Variants in ABCA4 observed in about 807,000 individuals in gnomAD.
ABCA4 encodes the protein retinal-specific phospholipid-transporting ATPase ABCA4.
In ABCA4, 196 loss-of-function variants were observed where a neutral mutation model predicts 263.7. The ratio of observed to expected loss-of-function variants is 0.74; its 90% CI spans 0.66 to 0.84. The LOEUF (loss-of-function observed/expected upper bound fraction) is 0.84, where lower values mean the gene tolerates loss of function less well. Ranked by LOEUF, ABCA4 falls within the 40% of genes least tolerant of loss-of-function variation. ABCA4 has a pLI of 0.00. For missense variants in ABCA4, 2,792 were observed against 2,855.1 expected, an observed-to-expected ratio of 0.98 and a Z score of 0.50; for synonymous variants, 1,133 against 1,094.2, an observed-to-expected ratio of 1.04 and a Z score of -0.70.
chr1:94,060,495 C>T (rs1464036233), intron 14 of ABCA4, 42 bp downstream of exon 14: 1 of 1,581,848 alleles, frequency 6.3e-7, no homozygotes. Context: ...GGAAAGGAAC[C>T]AAAGTATTCA....
chr1:94,024,222 C>T (rs980394093), intron 31 of ABCA4, among the ~76,000 whole-genome samples: 5 of 152,110 alleles, frequency 3.3e-5, no homozygotes, highest in African/African-American at 7.2e-5. Context: ...ATCTTAAAGC[C>T]CCAGAGCCTG....
At chr1:94,118,690 G>T (rs1219075237) in intron 1 of ABCA4, among the ~76,000 whole-genome samples, 2 of 152,348 alleles carry the variant, frequency 1.3e-5, no homozygotes, top group African/African-American at 4.8e-5. Flanking sequence ...GCCCAGACCA[G>T]GCCCAGCCCT....
At chr1:94,023,975 C>T (rs779270789) in intron 31 of ABCA4, among the ~76,000 whole-genome samples, 1 of 152,248 alleles carries the variant, frequency 6.6e-6, no homozygotes, top group Non-Finnish European at 1.5e-5. Context: ...CACACACGCA[C>T]AAAATCCAAA....
At position 94,037,180 on chromosome 1, in the gene ABCA4, T is replaced by C. The variant is rs774700576; in HGVS notation, c.3778A>G (p.Ser1260Gly). The C allele has an allele frequency of 1.2e-6, 2 of 1,614,240 alleles. No homozygotes were observed. The highest frequency in any genetic ancestry group is 1.7e-6 in the Non-Finnish European group (2 of 1,180,044). Residue 1260 changes from serine to glycine, a missense_variant, in exon 25 of 50, where the codon AGC becomes GGC. Physicochemically the swap from Ser to Gly is moderately conservative, Grantham distance 56. Coordinates refer to ENST00000370225, the MANE Select transcript of ABCA4 (RefSeq NM_000350.3). ...GGAGTGTCAGAAATTCCAAAACTGC[T>C]GAGACCAAGGTCAGCCAGCGTCTCC... Reference protein sequence around the residue: ...LEETLADLGLSSFGISDTPLE... With the variant: ...LEETLADLGLGSFGISDTPLE...
At chr1:94,030,755 C>G (rs1660176515) in intron 28 of ABCA4, among the ~76,000 whole-genome samples, 3 of 152,172 alleles carry the variant, frequency 2.0e-5, no homozygotes, top group Admixed American at 2.0e-4. Context: ...AACCCATTCA[C>G]CTAAGCTTTG....
intron 20 of ABCA4, 105 bp from the exon 21 acceptor site, chr1:94,043,580 A>C: frequency 6.8e-7 from 1 of 1,465,820 alleles, no homozygotes; most frequent in Non-Finnish European, 9.4e-7. Context: ...TTGGCAATCA[A>C]GATGCTCACT....
At chr1:94,088,943 T>C (rs2101120260) in intron 6 of ABCA4, among the ~76,000 whole-genome samples, 1 of 152,364 alleles carries the variant, frequency 6.6e-6, no homozygotes. Context: ...TTGATTATTT[T>C]CTCTTCTTTC....
intron 42 of ABCA4, among the ~76,000 whole-genome samples, chr1:94,007,956 C>T (rs941429154): frequency 6.6e-5 from 10 of 151,976 alleles, no homozygotes; most frequent in East Asian, 3.9e-4. Flanking sequence ...TTAAAAACAA[C>T]GAGAAATTGT....
chr1:94,066,113 T>C (rs1400308321), intron 11 of ABCA4, among the ~76,000 whole-genome samples: 1 of 152,214 alleles, frequency 6.6e-6, no homozygotes, highest in Non-Finnish European at 1.5e-5. Context: ...ATAAATAGTT[T>C]GGGTCTGTTG....
At position 94,055,388 on chromosome 1, in the gene ABCA4, C is replaced by T. The variant is rs181274976; in HGVS notation, c.2383-73G>A. On this transcript the variant is annotated intron_variant, in intron 15 of 49. Coordinates refer to ENST00000370225, the MANE Select transcript of ABCA4 (RefSeq NM_000350.3). ...CAATGCAACAGCACCCAGATGCCCTCGAGGTAGAGGGGAGGGCCAAAAGAG... is the reference window on the plus strand; with the variant it reads ...CAATGCAACAGCACCCAGATGCCCTTGAGGTAGAGGGGAGGGCCAAAAGAG... 101 of 1,500,186 alleles carry T rather than the reference C, an allele frequency of 6.7e-5. No individual in the cohort carries two copies. The East Asian group carries it at 1.6e-3, about 24-fold the overall frequency. 92.9% of individuals were successfully genotyped at this position (1,500,186 alleles called of 1,614,324 possible).
rs1660366503 is a variant in ABCA4, at chr1:94,037,313, A to G, written c.3645T>C (p.His1215=). 1 of 1,614,264 alleles carries G rather than the reference A, an allele frequency of 6.2e-7. No homozygotes were observed. Among genetic ancestry groups the G allele is most frequent in the South Asian group, 1.1e-5 (1 of 91,088 alleles). ...VNELMDVVLH[H]VPEAKLVECI... ...ACTCCACCAGCTTTGCCTCTGGAAC[A>G]TGGTGGAGAACTACATCCATCAGCT... is the stretch of plus-strand genomic sequence containing the variant. The change falls in exon 25 of 50, where the codon CAT becomes CAC. Residue 1215 remains histidine, a synonymous_variant. Transcript: ENST00000370225.
At chr1:94,120,024 A>T (rs767279745) in intron 1 of ABCA4, among the ~76,000 whole-genome samples, 1 of 151,874 alleles carries the variant, frequency 6.6e-6, no homozygotes, top group Non-Finnish European at 1.5e-5. Context: ...TCCTTTAGTC[A>T]TCGGCATTTG....
At chr1:94,071,162 T>C (rs1416128689) in intron 11 of ABCA4, among the ~76,000 whole-genome samples, 1 of 152,220 alleles carries the variant, frequency 6.6e-6, no homozygotes, top group Non-Finnish European at 1.5e-5. Flanking sequence ...TCCTCTGAGA[T>C]ACCACTATTA....
chr1:93,998,283 G>A (rs1037725178), intron 47 of ABCA4, among the ~76,000 whole-genome samples, 173 bp from the exon 48 acceptor site: 7 of 152,142 alleles, frequency 4.6e-5, no homozygotes, highest in Non-Finnish European at 1.0e-4. Context: ...TTGAGCTCAG[G>A]AATGTAAGAT....
chr1:94,100,698 G>A (rs578107558), intron 5 of ABCA4, among the ~76,000 whole-genome samples: 2 of 152,296 alleles, frequency 1.3e-5, no homozygotes, highest in Middle Eastern at 3.4e-3. Context: ...GAATGGTGAG[G>A]TTCCTTCTGA....
intron 38 of ABCA4, 41 bp from the exon 39 acceptor site, chr1:94,011,426 C>G: frequency 1.9e-6 from 3 of 1,603,240 alleles, no homozygotes; most frequent in Non-Finnish European, 2.6e-6. Context: ...GGGGCAAACC[C>G]CACCCCCCCT....
chr1:94,030,278 G>C (rs1186942192), intron 29 of ABCA4, 150 bp downstream of exon 29: 4 of 719,236 alleles, frequency 5.6e-6, no homozygotes, highest in Non-Finnish European at 9.9e-6. Context: ...AGTGTGGAAG[G>C]AGAGGTTGGG....
chr1:94,000,775 A>T, intron 47 of ABCA4, 61 bp downstream of exon 47: 1 of 1,541,492 alleles, frequency 6.5e-7, no homozygotes, highest in Non-Finnish European at 9.0e-7. Flanking sequence ...GTCAATGGAG[A>T]ACACAGGATC....
At position 94,008,602 on chromosome 1, in the gene ABCA4, G is replaced by A. The variant is rs74102067; in HGVS notation, c.5835+149C>T. On this transcript the variant is annotated intron_variant, in intron 41 of 49. Transcript: ENST00000370225. ...TTGGAATTAGATGCTCTTGGAAGACGAGTTATAACACAGGGATGATGACCC... is the reference window on the plus strand; with the variant it reads ...TTGGAATTAGATGCTCTTGGAAGACAAGTTATAACACAGGGATGATGACCC... 3.0e-4 allele frequency: 336 copies of A among 1,129,186 alleles called. 1 individual carries two copies. The African/African-American group carries it at 3.6e-3, about 12-fold the overall frequency. 69.9% of individuals were successfully genotyped at this position (1,129,186 alleles called of 1,614,324 possible). A position where few individuals can be genotyped will look rare whatever the true frequency, so the allele number is the denominator to read the frequency against.
Sources: allele counts gnomAD v4.1 joint callset (sites outside exome capture counted in the v4.1 genomes callset), GRCh38; gene constraint gnomAD v4.1.1; transcripts MANE v1.5; gene names NCBI Gene and HGNC (gene_info 2026-07-23, HGNC 2026-07-21).